Variants in SHANK1 observed in about 807,000 individuals in gnomAD.
SHANK1 encodes the protein SH3 and multiple ankyrin repeat domains 1, also known as SH3 and multiple ankyrin repeat domains protein 1.
SHANK1 carries 35 observed loss-of-function variants against 165.6 expected under a neutral mutation model. That is an observed-to-expected ratio of 0.21 (90% CI 0.16 to 0.28). The LOEUF (loss-of-function observed/expected upper bound fraction) is 0.28. Ranked by LOEUF, SHANK1 falls within the 10% of genes least tolerant of loss-of-function variation. SHANK1 has a pLI of 1.00. For synonymous variants in SHANK1, 1,428 were observed against 1,384.8 expected, an observed-to-expected ratio of 1.03 and a Z score of -0.69; for missense variants, 2,681 against 3,036.4, an observed-to-expected ratio of 0.88 and a Z score of 2.75.
At chr19:50,692,779 A>G (rs986567234) in intron 15 of SHANK1, among the ~76,000 whole-genome samples, 20 of 150,734 alleles carry the variant, frequency 1.3e-4, no homozygotes, top group African/African-American at 3.9e-4. Context: ...CCTCCATGCC[A>G]TGTTGAGGTT....
At chr19:50,711,555 G>C in intron 7 of SHANK1, 68 bp from the exon 8 acceptor site, 1 of 1,149,054 alleles carries the variant, frequency 8.7e-7, no homozygotes, top group Non-Finnish European at 1.3e-6. Context: ...CCAAGAGTCT[G>C]TCTATGACCT....
At chr19:50,711,802 C>T in intron 7 of SHANK1, 145 bp downstream of exon 7, 1 of 983,634 alleles carries the variant, frequency 1.0e-6, no homozygotes. Context: ...TGCCTTCACC[C>T]CCACCATTTC....
In SHANK1 at chr19:50,688,079, G is replaced by A. The variant is rs1986417406; in HGVS notation, c.2173-21C>T. 1 of 1,613,462 alleles carries A rather than the reference G, an allele frequency of 6.2e-7. No homozygotes were observed. The highest frequency in any genetic ancestry group is 1.1e-5 in the South Asian group (1 of 91,070). ...TTCACCTGTGGCACAGACACCCCCA[G>A]ATCACACAGAGTAGACGAGGGGAGG... On this transcript the variant is annotated intron_variant, in intron 17 of 23. Transcript: ENST00000293441. This position sits in a 1 kb window ranked among gnomAD's most constrained non-coding sequence, Gnocchi z 6.7.
Position 50,662,285 on chromosome 19 carries a change from G to A in SHANK1, c.6166C>T (p.Pro2056Ser). The A allele has an allele frequency of 6.2e-7, 1 of 1,611,702 alleles. No individual in the cohort carries two copies. Among genetic ancestry groups the A allele is most frequent in the Non-Finnish European group, 8.5e-7 (1 of 1,178,598 alleles). ...CCCCCGGATATCCCCGGGTGTGGCG[G>A]CACAAAGACTGGGGCGAAGGGGTCA... ...SADPFAPVFV[P>S]PHPGISGGLG... Residue 2056 changes from proline to serine, a missense_variant, in exon 24 of 24, where the codon CCG becomes TCG. Physicochemically the swap from Pro to Ser is moderately conservative, Grantham distance 74. Transcript: ENST00000293441. This position sits in a 1 kb window ranked among gnomAD's most constrained non-coding sequence, Gnocchi z 7.7.
At position 50,667,820 on chromosome 19, in the gene SHANK1, G is replaced by C. The variant is rs1410679845; in HGVS notation, c.4140C>G (p.Pro1380=). ...GCGGGGCCTCGTAGCGGGGCGATGG[G>C]GGCCTGGGAGGCGGCTGGGGGGCCC... ...GGGAPQPPPR[P]PSPRYEAPPP... is the part of the protein sequence containing the mutation. Residue 1380 remains proline, a synonymous_variant, in exon 23 of 24, where the codon CCC becomes CCG. Transcript: ENST00000293441. The surrounding 1 kb of genome is among the most constrained non-coding windows in gnomAD (Gnocchi z 5.7). The C allele has an allele frequency of 1.5e-6, 2 of 1,297,400 alleles. No homozygotes were observed. Among genetic ancestry groups the C allele is most frequent in the Admixed American group, 4.2e-5 (1 of 23,852 alleles). 80.4% of individuals were successfully genotyped at this position (1,297,400 alleles called of 1,614,324 possible).
At chr19:50,704,002 T>C (rs1187885499) in intron 10 of SHANK1, 118 bp downstream of exon 10, 6 of 1,107,298 alleles carry the variant, frequency 5.4e-6, no homozygotes, top group African/African-American at 1.6e-5. Context: ...TTTTTGGTCC[T>C]CTAGGGTTTT....
At position 50,703,673 on chromosome 19, in the gene SHANK1, C is replaced by T. The variant is rs2088898784; in HGVS notation, c.1380G>A (p.Gly460=). 2.0e-6 allele frequency: 3 copies of T among 1,479,680 alleles called. No homozygotes were observed. The highest frequency in any genetic ancestry group is 2.5e-5 in the East Asian group (1 of 40,392). 91.7% of individuals were successfully genotyped at this position (1,479,680 alleles called of 1,614,324 possible). ...GGGACCCTGAGGTAGGGCCAGGGGC[C>T]CCAGAGGACGCGGCCCCCGGGGCGG... is the stretch of plus-strand genomic sequence containing the variant. ...VFSAPGAASS[G]APGPTSGSQG... is the part of the protein sequence containing the mutation. The change falls in exon 11 of 24, where the codon GGG becomes GGA. Residue 460 remains glycine (G), a synonymous_variant. Transcript: ENST00000293441.
At position 50,688,124 on chromosome 19, in the gene SHANK1, A is replaced by G. The variant is rs1474908872; in HGVS notation, c.2173-66T>C. 1.9e-6 allele frequency: 3 copies of G among 1,593,442 alleles called. No individual in the cohort carries two copies. In the African/African-American group the frequency reaches 4.0e-5, roughly 21 times the overall value. On this transcript the variant is annotated intron_variant, in intron 17 of 23. Coordinates refer to ENST00000293441, the MANE Select transcript of SHANK1 (RefSeq NM_016148.5). The surrounding 1 kb of genome is among the most constrained non-coding windows in gnomAD (Gnocchi z 6.7). ...GGGAGGGGTGCTTGCAGCTTCAGAG[A>G]CCCCAAGGAGGATGCCTCCTGCGCT... is the stretch of plus-strand genomic sequence containing the variant.
At position 50,667,324 on chromosome 19, in the gene SHANK1, C is replaced by T. The variant is rs749350782; in HGVS notation, c.4636G>A (p.Val1546Ile). 2 of 1,582,024 alleles carry T rather than the reference C, an allele frequency of 1.3e-6. No individual in the cohort carries two copies. The highest frequency in any genetic ancestry group is 8.5e-7 in the Non-Finnish European group (1 of 1,170,764). ...ACCGAGGGGGCGGGAGGCGGCAGGA[C>T]CAGCAGGGGCAGCCCGTTCTCTTCG... ...ASEENGLPLL[V>I]LPPPAPSVDV... The change falls in exon 23 of 24, where the codon GTC (valine) becomes ATC (isoleucine). Residue 1546 changes from valine (V) to isoleucine (I), a missense_variant. Coordinates refer to ENST00000293441, the MANE Select transcript of SHANK1 (RefSeq NM_016148.5). The surrounding 1 kb of genome is among the most constrained non-coding windows in gnomAD (Gnocchi z 5.7).
chr19:50,665,972 T>C (rs574054980), intron 23 of SHANK1, among the ~76,000 whole-genome samples: 23 of 145,380 alleles, frequency 1.6e-4, no homozygotes, highest in East Asian at 8.3e-4. Context: ...GATCACGCCA[T>C]TGCACTCCAG....
chr19:50,671,109 T>C (rs1985774949), intron 22 of SHANK1, among the ~76,000 whole-genome samples: 1 of 148,720 alleles, frequency 6.7e-6, no homozygotes, highest in South Asian at 2.1e-4. Flanking sequence ...AGGTTTTAGC[T>C]CAAACCTGCA....
In SHANK1 at chr19:50,666,514, C is replaced by A; in HGVS notation, c.5446G>T (p.Val1816Leu). 1 of 1,583,598 alleles carries A rather than the reference C, an allele frequency of 6.3e-7. No individual in the cohort carries two copies. Among genetic ancestry groups the A allele is most frequent in the Non-Finnish European group, 8.6e-7 (1 of 1,167,810 alleles). Residue 1816 changes from valine (V) to leucine (L), a missense_variant, in exon 23 of 24, where the codon GTG becomes TTG. By Grantham distance (32) the Val-to-Leu change is conservative. Transcript: ENST00000293441. ...GGTGGGACTTCTGGCTCTACAGCCA[C>A]CGGACCCCCCGCCACGCCTGCCGTG... is the stretch of plus-strand genomic sequence containing the variant. ...PPTAGVAGGP[V>L]AVEPEVPPVP...
In SHANK1 at chr19:50,716,498, G is replaced by A. The variant is rs1244800676; in HGVS notation, c.256-20C>T. On this transcript the variant is annotated intron_variant, in intron 2 of 23. Coordinates refer to ENST00000293441, the MANE Select transcript of SHANK1 (RefSeq NM_016148.5). This position sits in a 1 kb window ranked among gnomAD's most constrained non-coding sequence, Gnocchi z 8.4. ...GCATTTCTGGTTGGGGAAGAGATAG[G>A]GGCTAGGGTGGGCCAGGGGCCAGAG... 6.2e-7 allele frequency: 1 copy of A among 1,612,782 alleles called. No homozygotes were observed. The highest frequency in any genetic ancestry group is 1.3e-5 in the African/African-American group (1 of 74,918).
chr19:50,671,361 T>C (rs1985786583), intron 22 of SHANK1, among the ~76,000 whole-genome samples: 2 of 150,430 alleles, frequency 1.3e-5, no homozygotes, highest in African/African-American at 4.9e-5. Context: ...TTTTTTGTAT[T>C]TTTAGTAGAG....
rs1006649133 is a variant in SHANK1 at position 50,660,609 on chromosome 19, G to T, written c.*1356C>A. On this transcript the variant is annotated 3_prime_UTR_variant, in exon 24 of 24. Coordinates refer to ENST00000293441, the MANE Select transcript of SHANK1 (RefSeq NM_016148.5). ...GATGAGTGTGCAAAAGGAAAGAAGTGGTAGAGCTCTCATCCAGGTAGAAAA... is the reference window on the plus strand; with the variant it reads ...GATGAGTGTGCAAAAGGAAAGAAGTTGTAGAGCTCTCATCCAGGTAGAAAA... 6.6e-6 allele frequency among the ~76,000 whole-genome samples: 1 copy of T among 151,396 alleles called. No individual in the cohort carries two copies. Among genetic ancestry groups the T allele is most frequent in the Non-Finnish European group, 1.5e-5 (1 of 67,966 alleles).
At position 50,713,915 on chromosome 19, in the gene SHANK1, G is replaced by C; in HGVS notation, c.675C>G (p.Gly225=). 2 of 1,613,842 alleles carry C rather than the reference G, an allele frequency of 1.2e-6. No individual in the cohort carries two copies. Among genetic ancestry groups the C allele is most frequent in the Non-Finnish European group, 1.7e-6 (2 of 1,179,904 alleles). Residue 225 remains glycine, a synonymous_variant, in exon 6 of 24, where the codon GGC becomes GGG. Coordinates refer to ENST00000293441, the MANE Select transcript of SHANK1 (RefSeq NM_016148.5). The surrounding 1 kb of genome is among the most constrained non-coding windows in gnomAD (Gnocchi z 6.2). ...TPLTLAAQTE[G]SVEVIRTLCL... is the part of the protein sequence containing the mutation. The stretch of plus-strand genomic sequence containing the variant: ...ACAGGGTTCGAATCACCTCTACAGA[G>C]CCTTCGGTCTGGGCCGCCAGTGTCA...
intron 7 of SHANK1, 27 bp downstream of exon 7, chr19:50,711,920 G>A (rs1175692343): frequency 6.2e-7 from 1 of 1,613,542 alleles, no homozygotes; most frequent in Admixed American, 1.7e-5. Context: ...CCCCACCCCA[G>A]CCCTTCATGG....
Position 50,667,214 on chromosome 19 carries a change from C to A in SHANK1, c.4746G>T (p.Ser1582=). 6.3e-7 allele frequency: 1 copy of A among 1,580,408 alleles called. No homozygotes were observed. Among genetic ancestry groups the A allele is most frequent in the Non-Finnish European group, 8.5e-7 (1 of 1,170,910 alleles). Residue 1582 remains serine (S), a synonymous_variant, in exon 23 of 24, where the codon TCG becomes TCT. Transcript: ENST00000293441. This position sits in a 1 kb window ranked among gnomAD's most constrained non-coding sequence, Gnocchi z 5.7. ...EFSNSFEKPE[S]PLTPGPPHPL... ...GGTGGGGAGGCCCAGGCGTGAGGGG[C>A]GACTCTGGCTTTTCGAAGCTGTTGG...
chr19:50,689,092 G>A lies in SHANK1; in HGVS notation c.2047+105C>T. On this transcript the variant is annotated intron_variant, in intron 16 of 23. Coordinates refer to ENST00000293441, the MANE Select transcript of SHANK1 (RefSeq NM_016148.5). ...CTGAGGGACCAGCACCCCGGGGTGG[G>A]GTGGTGGGCGGGCTGGGGTCCCTTC... The A allele has an allele frequency of 2.7e-6, 3 of 1,121,332 alleles. No individual in the cohort carries two copies. The South Asian group carries it at 3.8e-5, about 14-fold the overall frequency. The allele number at this position is 1,121,332 out of a possible 1,614,324, so 69.5% of individuals were successfully genotyped here.
Sources: gnomAD v4.1 joint callset for allele counts (sites outside exome capture counted in the v4.1 genomes callset) on GRCh38, gnomAD v4.1.1 for gene constraint, Gnocchi (gnomAD v3.1) non-coding constraint, MANE v1.5 for transcripts, NCBI Gene and HGNC (gene_info 2026-07-23, HGNC 2026-07-21) for gene names.